The following GLIS1 variants were observed in gnomAD, a reference collection of about 807,000 sequenced individuals.
The protein encoded by GLIS1 is GLIS family zinc finger 1.
Under a neutral mutation model 63.8 loss-of-function variants are expected in GLIS1, and 24 were observed. That is an observed-to-expected ratio of 0.38 (90% CI 0.27 to 0.53). The LOEUF (loss-of-function observed/expected upper bound fraction) is 0.53. GLIS1 is among the 20% of genes least tolerant of loss of function. GLIS1 has a pLI of 0.85. For synonymous variants in GLIS1, 450 were observed against 482.5 expected (o/e 0.93, Z 0.88); for missense variants, 1,036 against 1,074.1 (o/e 0.96, Z 0.50).
Position 53,560,254 on chromosome 1 carries a change from C to G in GLIS1, c.1321-30302G>C, listed in dbSNP as rs1411858190. Among the ~76,000 whole-genome samples the G allele has an allele frequency of 6.6e-6, 1 of 152,228 alleles. No homozygotes were observed. Among genetic ancestry groups the G allele is most frequent in the Non-Finnish European group, 1.5e-5 (1 of 68,032 alleles). ...AAAGAAGAGCCAGCTTTGCCCAGAC[C>G]TGGGGGCAGCAGCTGTGTTGACTCA... On this transcript the variant is annotated intron_variant, in intron 4 of 10. Transcript: ENST00000628545. The surrounding 1 kb of genome is among the most constrained non-coding windows in gnomAD (Gnocchi z 4.4).
At chr1:53,717,279 C>T (rs1178788737) in intron 2 of GLIS1, among the ~76,000 whole-genome samples, 7 of 152,164 alleles carry the variant, frequency 4.6e-5, no homozygotes, top group South Asian at 2.1e-4. Context: ...AATTAATCCA[C>T]GTAAAGCAGT....
intron 2 of GLIS1, among the ~76,000 whole-genome samples, chr1:53,643,305 A>G (rs559948394): frequency 1.9e-4 from 29 of 152,358 alleles, no homozygotes; most frequent in African/African-American, 7.0e-4. Flanking sequence ...AAACCTTCAG[A>G]GCAGCAGGAA....
chr1:53,688,161 CAAG>C (rs1359444408), intron 2 of GLIS1, among the ~76,000 whole-genome samples: 2 of 152,232 alleles, frequency 1.3e-5, no homozygotes, highest in African/African-American at 2.4e-5. Context: ...GTCCCTGATT[CAAG>C]AAGAGCACCT....
intron 4 of GLIS1, among the ~76,000 whole-genome samples, chr1:53,553,663 G>T (rs1261531147): frequency 6.6e-6 from 1 of 152,200 alleles, no homozygotes; most frequent in African/African-American, 2.4e-5. Context: ...GGGCCTTTGC[G>T]ACTTGCAGGT....
At chr1:53,633,914 G>A (rs1645696680) in intron 2 of GLIS1, among the ~76,000 whole-genome samples, 2 of 152,194 alleles carry the variant, frequency 1.3e-5, no homozygotes, top group South Asian at 2.1e-4. Context: ...ATGAGATCAC[G>A]AATCCACCAG....
At chr1:53,691,832 C>T (rs1176274637) in intron 2 of GLIS1, among the ~76,000 whole-genome samples, 1 of 152,186 alleles carries the variant, frequency 6.6e-6, no homozygotes, top group Non-Finnish European at 1.5e-5. Flanking sequence ...CAGGGTCACA[C>T]CCACCCAGCA....
At chr1:53,736,341 G>A (rs950650473) in intron 2 of GLIS1, among the ~76,000 whole-genome samples, 1 of 152,202 alleles carries the variant, frequency 6.6e-6, no homozygotes, top group African/African-American at 2.4e-5. Context: ...TCACCATAGC[G>A]TGGAACAAAG....
intron 2 of GLIS1, among the ~76,000 whole-genome samples, chr1:53,631,999 G>A (rs1193866180): frequency 6.6e-6 from 1 of 151,582 alleles, no homozygotes; most frequent in Non-Finnish European, 1.5e-5. Flanking sequence ...GTGTGACTAA[G>A]GGGCGTGTGA....
chr1:53,553,744 G>T (rs1287885756), intron 4 of GLIS1, among the ~76,000 whole-genome samples: 1 of 152,132 alleles, frequency 6.6e-6, no homozygotes, highest in African/African-American at 2.4e-5. Flanking sequence ...CTTCTCAGGA[G>T]CTACCCCTAA....
At position 53,506,407 on chromosome 1, in the gene GLIS1, CT is replaced by C; in HGVS notation, c.*211del. ...AGGGAATGTTACAGGGCCACAGATC[CT>C]GGCGGGCACCTCTGTGCGCCCAGCT... On this transcript the variant is annotated 3_prime_UTR_variant, in exon 11 of 11. Coordinates refer to ENST00000628545, the MANE Select transcript of GLIS1 (RefSeq NM_001367484.1). 1.8e-6 allele frequency: 1 copy of C among 563,120 alleles called. No homozygotes were observed. The highest frequency in any genetic ancestry group is 3.2e-6 in the Non-Finnish European group (1 of 316,822). 34.9% of individuals were successfully genotyped at this position (563,120 alleles called of 1,614,324 possible). A position where few individuals can be genotyped will look rare whatever the true frequency, so the allele number is the denominator to read the frequency against.
At chr1:53,678,178 C>A (rs1260724133) in intron 2 of GLIS1, among the ~76,000 whole-genome samples, 1 of 152,130 alleles carries the variant, frequency 6.6e-6, no homozygotes, top group Non-Finnish European at 1.5e-5. Context: ...ATGTCCCCAA[C>A]AGATGTCCCC....
intron 2 of GLIS1, among the ~76,000 whole-genome samples, chr1:53,609,233 A>T (rs1004279888): frequency 3.3e-5 from 5 of 150,138 alleles, no homozygotes; most frequent in African/African-American, 9.8e-5. Context: ...CATTTAATGC[A>T]ATTACCATAT....
intron 2 of GLIS1, among the ~76,000 whole-genome samples, chr1:53,647,949 A>C (rs1266553990): frequency 6.6e-6 from 1 of 152,216 alleles, no homozygotes; most frequent in Non-Finnish European, 1.5e-5. Flanking sequence ...AGGCAGGAGG[A>C]TCACTTGAGC....
intron 2 of GLIS1, among the ~76,000 whole-genome samples, chr1:53,718,791 A>G (rs947790662): frequency 3.3e-5 from 5 of 152,124 alleles, no homozygotes; most frequent in Non-Finnish European, 5.9e-5. Context: ...GACACTTTTT[A>G]GTCCCAAGAA....
chr1:53,644,149 C>T (rs906859712), intron 2 of GLIS1, among the ~76,000 whole-genome samples: 7 of 152,202 alleles, frequency 4.6e-5, no homozygotes, highest in African/African-American at 1.7e-4. Context: ...CTCTTTCTCT[C>T]TGTCCTACCA....
chr1:53,539,703 C>G lies in GLIS1; in HGVS notation c.1321-9751G>C, dbSNP rs1644622469. Among the ~76,000 whole-genome samples the G allele has an allele frequency of 6.6e-6, 1 of 152,170 alleles. No homozygotes were observed. Among genetic ancestry groups the G allele is most frequent in the Non-Finnish European group, 1.5e-5 (1 of 68,028 alleles). On this transcript the variant is annotated intron_variant, in intron 4 of 10. Transcript: ENST00000628545. This position sits in a 1 kb window ranked among gnomAD's most constrained non-coding sequence, Gnocchi z 5.0. ...ACATTCACAAACACACTAACCCCCA[C>G]CCACCAGCCACACCGACACACTGCC... is the stretch of plus-strand genomic sequence containing the variant.
chr1:53,699,641 C>A (rs1293338988), intron 2 of GLIS1, among the ~76,000 whole-genome samples: 1 of 152,142 alleles, frequency 6.6e-6, no homozygotes, highest in Non-Finnish European at 1.5e-5. Context: ...CAACCTGTAC[C>A]ATAGAGTGGG....
Position 53,514,750 on chromosome 1 carries a change from G to A in GLIS1, c.1758C>T (p.Asn586=), listed in dbSNP as rs780424361. 2.4e-5 allele frequency: 38 copies of A among 1,606,326 alleles called. No individual in the cohort carries two copies. The highest frequency in any genetic ancestry group is 3.1e-5 in the Non-Finnish European group (36 of 1,176,366). ...GVYPGSITPH[N]GLASGLLPPA... ...GGGGCAGGAGGCCCGATGCAAGTCC[G>A]TTATGGGGGGTGATGGAGCCAGGAT... The change falls in exon 8 of 11, where the codon AAC becomes AAT. Residue 586 remains asparagine (N), a synonymous_variant. Coordinates refer to ENST00000628545, the MANE Select transcript of GLIS1 (RefSeq NM_001367484.1).
chr1:53,718,550 C>A (rs747443606), intron 2 of GLIS1, among the ~76,000 whole-genome samples: 3 of 152,166 alleles, frequency 2.0e-5, no homozygotes, highest in Non-Finnish European at 4.4e-5. Flanking sequence ...TGGTGCATGA[C>A]TTGATTTGAC....
Sources: gnomAD v4.1 joint callset for allele counts (sites outside exome capture counted in the v4.1 genomes callset) on GRCh38, gnomAD v4.1.1 for gene constraint, Gnocchi (gnomAD v3.1) non-coding constraint, MANE v1.5 for transcripts, NCBI Gene and HGNC (gene_info 2026-07-23, HGNC 2026-07-21) for gene names.